Variants in BANP observed in about 807,000 individuals in gnomAD.
The protein encoded by BANP is protein BANP.
In BANP, 11 loss-of-function variants were observed where a neutral mutation model predicts 68.1. The ratio of observed to expected loss-of-function variants is 0.16; its 90% CI spans 0.10 to 0.27. BANP has a LOEUF of 0.27. BANP is among the 10% of genes least tolerant of loss of function. The probability of loss-of-function intolerance (pLI) is 1.00; values close to 1 mark genes in which losing one functional copy is unlikely to be tolerated. For synonymous variants in BANP, 329 were observed against 303.2 expected (o/e 1.09, Z -0.88); for missense variants, 504 against 722.7 (o/e 0.70, Z 3.47).
In BANP at chr16:88,035,375, A is replaced by G; in HGVS notation, c.1253A>G (p.Gln418Arg). The G allele has an allele frequency of 6.2e-7, 1 of 1,611,316 alleles. No individual in the cohort carries two copies. The highest frequency in any genetic ancestry group is 8.5e-7 in the Non-Finnish European group (1 of 1,179,120). The change falls in exon 10 of 14, where the codon CAG becomes CGG. Residue 418 changes from glutamine to arginine, a missense_variant. Gln to Arg is a conservative substitution (Grantham distance 43). Around this residue, in one of 3 missense-constraint regions of BANP, gnomAD observed 223 missense variants for 246.2 expected, o/e 0.91. Transcript: ENST00000682872. ...IAQVPQGEQVQITQDSEGNLQ... is the reference protein window; with the variant it reads ...IAQVPQGEQVRITQDSEGNLQ... ...CAGGTGCCGCAGGGGGAGCAAGTCC[A>G]GATCACGCAGGACAGCGAGGTGAGT...
intron 9 of BANP, among the ~76,000 whole-genome samples, chr16:88,034,088 G>A (rs1412351206): frequency 6.6e-6 from 1 of 152,206 alleles, no homozygotes; most frequent in Non-Finnish European, 1.5e-5. Flanking sequence ...AGTGGGGCGT[G>A]GCTCTCATCT....
intron 12 of BANP, among the ~76,000 whole-genome samples, chr16:88,068,288 G>T (rs562811919): frequency 1.3e-5 from 2 of 152,358 alleles, no homozygotes; most frequent in South Asian, 2.1e-4. Flanking sequence ...CCTGGTTGGC[G>T]TGAACCTTGG....
In BANP at chr16:88,072,044, C is replaced by G. The variant is rs777618514; in HGVS notation, c.1378-25C>G. The G allele has an allele frequency of 9.0e-6, 14 of 1,552,078 alleles. No individual in the cohort carries two copies. The Admixed American group carries it at 9.8e-5, about 11-fold the overall frequency. ...TGTGGGTTGTGGGCCACGCCGCTGA[C>G]GGGCCCCCGTGTGTCTCCCTCCAGG... is the stretch of plus-strand genomic sequence containing the variant. On this transcript the variant is annotated intron_variant, in intron 12 of 13. Coordinates refer to ENST00000682872, the MANE Select transcript of BANP (RefSeq NM_001386991.1).
chr16:88,023,927 A>C (rs1469577133), intron 7 of BANP, among the ~76,000 whole-genome samples: 1 of 152,014 alleles, frequency 6.6e-6, no homozygotes, highest in African/African-American at 2.4e-5. Context: ...TAGTGTGGGG[A>C]TATGGCTGGG....
At chr16:87,997,948 G>C (rs2067754375) in intron 4 of BANP, among the ~76,000 whole-genome samples, 1 of 152,214 alleles carries the variant, frequency 6.6e-6, no homozygotes, top group Admixed American at 6.5e-5. Flanking sequence ...GTGGAATTCA[G>C]AACTGACCCC....
chr16:88,018,168 A>G lies in BANP; in HGVS notation c.656-260A>G, dbSNP rs1445558353. ...AGAGTGTGTGACCGTGTTGGCGCTC[A>G]GGTCCCGAGGCCCTGCAGCCCCACA... On this transcript the variant is annotated intron_variant, in intron 6 of 13. Coordinates refer to ENST00000682872, the MANE Select transcript of BANP (RefSeq NM_001386991.1). The surrounding 1 kb of genome is among the most constrained non-coding windows in gnomAD (Gnocchi z 7.7). Among the ~76,000 whole-genome samples, 3 of 150,240 alleles carry G rather than the reference A, an allele frequency of 2.0e-5. No homozygotes were observed. The highest frequency in any genetic ancestry group is 4.4e-5 in the Non-Finnish European group (3 of 67,828).
intron 1 of BANP, among the ~76,000 whole-genome samples, chr16:87,968,207 G>C (rs2060442568): frequency 6.6e-6 from 1 of 151,912 alleles, no homozygotes; most frequent in Non-Finnish European, 1.5e-5. Flanking sequence ...TAGTTGGCTG[G>C]GTGCAGTGGC....
At chr16:88,000,858 G>A (rs1418133700) in intron 4 of BANP, among the ~76,000 whole-genome samples, 3 of 5,556 alleles carry the variant, frequency 5.4e-4, no homozygotes, top group African/African-American at 7.6e-4. Flanking sequence ...CCTTCCAGAC[G>A]TGTCTCCATG....
chr16:88,076,616 A>T lies in BANP; in HGVS notation c.1548A>T (p.Leu516=), dbSNP rs960103743. 6.2e-7 allele frequency: 1 copy of T among 1,612,112 alleles called. No individual in the cohort carries two copies. ...CGGCCGAAGCCCTGCAGCCCACGCT[A>T]CAGCCGGAGATGCAGCTCGAGCACG... ...AQTAEALQPT[L]QPEMQLEHGA... Residue 516 remains leucine, a synonymous_variant, in exon 14 of 14, where the codon CTA becomes CTT. Transcript: ENST00000682872.
chr16:88,062,054 TAAC>T lies in BANP; in HGVS notation c.1312-3210_1312-3208del, dbSNP rs1351026443. On this transcript the variant is annotated intron_variant, in intron 11 of 13. Transcript: ENST00000682872. ...GGTTACAGTCTCAGCCCTCATACCT[TAAC>T]AAGTTGGATTCAAAGCTGAATGACA... is the stretch of plus-strand genomic sequence containing the variant. Among the ~76,000 whole-genome samples, 5 of 152,380 alleles carry T rather than the reference TAAC, an allele frequency of 3.3e-5. No individual in the cohort carries two copies. The East Asian group carries it at 7.7e-4, about 23-fold the overall frequency.
At chr16:87,967,879 C>A (rs915359177) in intron 1 of BANP, among the ~76,000 whole-genome samples, 1 of 151,916 alleles carries the variant, frequency 6.6e-6, no homozygotes, top group South Asian at 2.1e-4. Context: ...CCTTGGCCCC[C>A]CAAAGTGCTG....
In BANP at chr16:87,981,046, G is replaced by A. The variant is rs147646358; in HGVS notation, c.81G>A (p.Glu27=). The A allele has an allele frequency of 6.2e-6, 10 of 1,612,214 alleles. No homozygotes were observed. The East Asian group carries it at 2.2e-4, about 36-fold the overall frequency. ...TGTCACTGATTTCAGTTGTTTTGGA[G>A]AATCATGTAGTGACAGATGAAGACG... ...DLSPDHPVVL[E]NHVVTDEDEP... is the part of the protein sequence containing the mutation. Residue 27 remains glutamate (E), a synonymous_variant, in exon 3 of 14, where the codon GAG becomes GAA. Transcript: ENST00000682872.
chr16:87,959,131 G>T (rs756619880), intron 1 of BANP, among the ~76,000 whole-genome samples: 1 of 152,230 alleles, frequency 6.6e-6, no homozygotes, highest in Non-Finnish European at 1.5e-5. Flanking sequence ...GTGAGGGTCA[G>T]AGTGTAAGTG....
At chr16:87,955,263 G>GTATTT (rs2057813348) in intron 1 of BANP, among the ~76,000 whole-genome samples, 1 of 152,180 alleles carries the variant, frequency 6.6e-6, no homozygotes, top group African/African-American at 2.4e-5. Context: ...GAGCGTCCAG[G>GTATTT]GGCCAGCTGT....
intron 13 of BANP, among the ~76,000 whole-genome samples, chr16:88,073,358 C>G (rs2090839104): frequency 6.6e-6 from 1 of 152,140 alleles, no homozygotes; most frequent in African/African-American, 2.4e-5. Context: ...CTGGCCTGAG[C>G]ATTCCTGCTG....
At chr16:88,006,402 T>G in intron 6 of BANP, 137 bp downstream of exon 6, 1 of 1,043,730 alleles carries the variant, frequency 9.6e-7, no homozygotes, top group Non-Finnish European at 1.3e-6. Flanking sequence ...ATCCCAGCAC[T>G]TTGGGAGGCT....
intron 6 of BANP, among the ~76,000 whole-genome samples, chr16:88,016,293 C>T (rs987360839): frequency 6.6e-6 from 1 of 152,194 alleles, no homozygotes; most frequent in African/African-American, 2.4e-5. Context: ...AGAGCCGCCT[C>T]GGCCACTGTC....
intron 6 of BANP, among the ~76,000 whole-genome samples, chr16:88,010,972 G>A (rs1387094058): frequency 1.3e-5 from 2 of 151,798 alleles, no homozygotes; most frequent in Non-Finnish European, 2.9e-5. Flanking sequence ...CTGTATGTGT[G>A]AGGTAACAGG....
intron 12 of BANP, among the ~76,000 whole-genome samples, chr16:88,066,910 G>C (rs1483070929): frequency 1.3e-5 from 2 of 152,240 alleles, no homozygotes; most frequent in Non-Finnish European, 2.9e-5. Context: ...GGCTGTGCGA[G>C]GCTGGGTGAC....
Sources: allele counts gnomAD v4.1 joint callset (sites outside exome capture counted in the v4.1 genomes callset), GRCh38; gene constraint gnomAD v4.1.1; regional missense constraint gnomAD v4.1.1; non-coding constraint Gnocchi (gnomAD v3.1); transcripts MANE v1.5; gene names NCBI Gene and HGNC (gene_info 2026-07-23, HGNC 2026-07-21).